GYPE: variants seen among roughly 807,000 people sequenced by gnomAD.
GYPE encodes glycophorin E (MNS blood group), also known as glycophorin-E.
Under a neutral mutation model 11.6 loss-of-function variants are expected in GYPE, and 8 were observed. The observed-to-expected ratio is 0.69, with a 90% confidence interval of 0.41 to 1.25. The LOEUF (loss-of-function observed/expected upper bound fraction) is 1.25. GYPE is among the 50% of genes most tolerant of loss of function. The probability of loss-of-function intolerance (pLI) is 0.01; values close to 1 mark genes in which losing one functional copy is unlikely to be tolerated. For synonymous variants in GYPE, 28 were observed against 29.6 expected (o/e 0.94, Z 0.18); for missense variants, 90 against 92.8 (o/e 0.97, Z 0.12).
chr4:143,897,495 G>A (rs1023099404), intron 1 of GYPE, among the ~76,000 whole-genome samples: 2 of 152,068 alleles, frequency 1.3e-5, no homozygotes, highest in African/African-American at 2.4e-5. Flanking sequence ...GTATAAAATA[G>A]GAGAGAATAT....
intron 3 of GYPE, among the ~76,000 whole-genome samples, chr4:143,876,392 G>A (rs1222226258): frequency 2.6e-5 from 4 of 152,060 alleles, no homozygotes; most frequent in Non-Finnish European, 5.9e-5. Context: ...TTAAACATAT[G>A]TAAATATATT....
chr4:143,894,425 C>T (rs1252721424), intron 1 of GYPE, among the ~76,000 whole-genome samples: 1 of 151,750 alleles, frequency 6.6e-6, no homozygotes, highest in Non-Finnish European at 1.5e-5. Flanking sequence ...TCTGTTTTTT[C>T]CCCATCTTTG....
chr4:143,875,696 G>A lies in GYPE; in HGVS notation c.*9+1050C>T, dbSNP rs372536053. Among the ~76,000 whole-genome samples, 23 of 152,200 alleles carry A rather than the reference G, an allele frequency of 1.5e-4. 1 individual carries two copies. The highest frequency in any genetic ancestry group is 2.4e-4 in the African/African-American group (10 of 41,492). On this transcript the variant is annotated intron_variant, in intron 3 of 3. Coordinates refer to ENST00000358615, the MANE Select transcript of GYPE (RefSeq NM_198682.3). ...ATAAAAACCCTAATTGGGGCCAGGC[G>A]CAGTGGCTCACATCTGTAATCCCAG...
chr4:143,876,131 T>G (rs1743799486), intron 3 of GYPE, among the ~76,000 whole-genome samples: 3 of 152,084 alleles, frequency 2.0e-5, no homozygotes. Flanking sequence ...ATTTATATAT[T>G]TATTGAGACA....
chr4:143,882,805 T>G lies in GYPE; in HGVS notation c.38-2296A>C, dbSNP rs145967196. On this transcript the variant is annotated intron_variant, in intron 1 of 3. Transcript: ENST00000358615. ...TTACATTTAGGGTGCACATTTCTTA[T>G]CCCTGTGGATACAAAATGGGCTCTT... 9.7e-3 allele frequency among the ~76,000 whole-genome samples: 1,480 copies of G among 152,328 alleles called. 29 individuals are homozygous for G. The highest frequency in any genetic ancestry group is 0.033 in the African/African-American group (1,389 of 41,560).
At chr4:143,894,853 C>T (rs59323993) in intron 1 of GYPE, among the ~76,000 whole-genome samples, 11 of 151,906 alleles carry the variant, frequency 7.2e-5, no homozygotes, top group South Asian at 4.2e-4. Context: ...GTTCAATATA[C>T]GCAAATCAAT....
chr4:143,872,451 G>A (rs1289502196), intron 3 of GYPE, among the ~76,000 whole-genome samples, 199 bp from the exon 4 acceptor site: 3 of 151,992 alleles, frequency 2.0e-5, no homozygotes, highest in Admixed American at 6.6e-5. Context: ...ACTGAATTGA[G>A]ACTTGCCAAT....
In GYPE at chr4:143,874,359, CA is replaced by C. The variant is rs1465332249; in HGVS notation, c.*10-2108del. The stretch of plus-strand genomic sequence containing the variant: ...AACTGTCTGCAATCTTTTAAACATG[CA>C]ACAAACACCATTCCTTGTCATCAGA... On this transcript the variant is annotated intron_variant, in intron 3 of 3. Transcript: ENST00000358615. Among the ~76,000 whole-genome samples, 6 of 152,072 alleles carry C rather than the reference CA, an allele frequency of 3.9e-5. No individual in the cohort carries two copies. In the East Asian group the frequency reaches 1.2e-3, roughly 29 times the overall value.
intron 1 of GYPE, among the ~76,000 whole-genome samples, chr4:143,903,317 G>A (rs2149918282): frequency 6.6e-6 from 1 of 151,270 alleles, no homozygotes. Flanking sequence ...TTTTCTTCCT[G>A]CCCTGGGCTC....
intron 2 of GYPE, 32 bp from the exon 3 acceptor site, chr4:143,876,887 G>T (rs1272551445): frequency 1.6e-6 from 2 of 1,220,250 alleles, no homozygotes; most frequent in Non-Finnish European, 2.4e-6. Context: ...GCAAAATTAT[G>T]AAAGTCTGAA....
At chr4:143,889,346 C>T (rs1482746399) in intron 1 of GYPE, among the ~76,000 whole-genome samples, 1 of 151,968 alleles carries the variant, frequency 6.6e-6, no homozygotes, top group Non-Finnish European at 1.5e-5. Flanking sequence ...TCAGCCTGGA[C>T]AGATGGAAAT....
At chr4:143,902,660 C>A (rs1440012878) in intron 1 of GYPE, among the ~76,000 whole-genome samples, 11 of 151,782 alleles carry the variant, frequency 7.2e-5, no homozygotes, top group African/African-American at 9.7e-5. Context: ...CCTCCCTTCA[C>A]CTCCTTCCTT....
chr4:143,893,241 T>A (rs2149912696), intron 1 of GYPE, among the ~76,000 whole-genome samples: 1 of 140,812 alleles, frequency 7.1e-6, no homozygotes, highest in Non-Finnish European at 1.5e-5. Flanking sequence ...TACAGCACAC[T>A]GGTGGGTCTT....
intron 1 of GYPE, among the ~76,000 whole-genome samples, chr4:143,898,249 C>T (rs28545056): frequency 0.93 from 141,182 of 152,102 alleles, 66,465 homozygotes; most frequent in East Asian, 1. Flanking sequence ...TGGTGGTGTG[C>T]GCCTGTATTC....
chr4:143,888,490 T>C (rs1476767435), intron 1 of GYPE, among the ~76,000 whole-genome samples: 1 of 143,468 alleles, frequency 7.0e-6, no homozygotes, highest in African/African-American at 2.6e-5. Context: ...ATTTTCTAAA[T>C]GCTACAGTTT....
At position 143,900,336 on chromosome 4, in the gene GYPE, T is replaced by C. The variant is rs1336669081; in HGVS notation, c.37+5135A>G. Among the ~76,000 whole-genome samples the C allele has an allele frequency of 1.3e-3, 163 of 126,016 alleles. 2 individuals are homozygous for C. The highest frequency in any genetic ancestry group is 4.6e-3 in the African/African-American group (159 of 34,750). The allele number at this position is 126,016 out of a possible 152,430, so 82.7% of individuals were successfully genotyped here. A position where few individuals can be genotyped will look rare whatever the true frequency, so the allele number is the denominator to read the frequency against. ...GTGGAGAAATTGGCACCTCATACAC[T>C]CTGGTGAAAAGGTCAAAAGGTGCAG... On this transcript the variant is annotated intron_variant, in intron 1 of 3. Transcript: ENST00000358615.
chr4:143,895,816 T>C (rs1192816745), intron 1 of GYPE, among the ~76,000 whole-genome samples: 4 of 151,712 alleles, frequency 2.6e-5, no homozygotes, highest in Non-Finnish European at 4.4e-5. Flanking sequence ...GAGATATAGA[T>C]CAATGGAACA....
At chr4:143,891,706 G>A (rs192738406) in intron 1 of GYPE, among the ~76,000 whole-genome samples, 29 of 152,156 alleles carry the variant, frequency 1.9e-4, no homozygotes, top group African/African-American at 2.4e-4. Flanking sequence ...GGTGCCGGCC[G>A]TTCACAGGCT....
intron 2 of GYPE, among the ~76,000 whole-genome samples, chr4:143,880,059 G>A (rs1207897258): frequency 6.6e-6 from 1 of 152,174 alleles, no homozygotes; most frequent in Non-Finnish European, 1.5e-5. Flanking sequence ...GTCAGCAGCT[G>A]GCATAGAGCT....
Sources: gnomAD v4.1 joint callset for allele counts (sites outside exome capture counted in the v4.1 genomes callset) on GRCh38, gnomAD v4.1.1 for gene constraint, MANE v1.5 for transcripts, NCBI Gene and HGNC (gene_info 2026-07-23, HGNC 2026-07-21) for gene names.